Variants in GSE1 observed in about 807,000 individuals in gnomAD.
GSE1 encodes Gse1 coiled-coil protein.
In GSE1, 32 loss-of-function variants were observed where a neutral mutation model predicts 112.6. That is an observed-to-expected ratio of 0.28 (90% CI 0.21 to 0.38). GSE1 has a LOEUF of 0.38. Among genes scored for constraint, GSE1 ranks in the 10% least tolerant of loss-of-function variants. The pLI is 1.00. For synonymous variants in GSE1, 1,115 were observed against 735.6 expected (o/e 1.52, Z -8.35); for missense variants, 2,348 against 1,699.2 (o/e 1.38, Z -6.71).
chr16:85,584,141 G>T (rs2151396012), intron 1 of GSE1, among the ~76,000 whole-genome samples: 1 of 152,146 alleles, frequency 6.6e-6, no homozygotes, highest in Admixed American at 6.5e-5. Flanking sequence ...GGGTCTTTGT[G>T]TGCGTGCGTG....
At chr16:85,496,557 C>G (rs1023519218) in intron 2 of GSE1, among the ~76,000 whole-genome samples, 2 of 152,152 alleles carry the variant, frequency 1.3e-5, no homozygotes, top group African/African-American at 4.8e-5. Context: ...GCAGGGGGGC[C>G]GACCCACCCA....
chr16:85,604,263 C>T (rs1434693095), intron 1 of GSE1, among the ~76,000 whole-genome samples: 1 of 152,182 alleles, frequency 6.6e-6, no homozygotes, highest in African/African-American at 2.4e-5. Context: ...ATGGAATCCC[C>T]CTTGTTTGTC....
chr16:85,657,064 T>G (rs1356721652), intron 7 of GSE1, among the ~76,000 whole-genome samples: 1 of 152,172 alleles, frequency 6.6e-6, no homozygotes, highest in Non-Finnish European at 1.5e-5. Context: ...GGGCAAGAGT[T>G]TTGCCAGCCA....
At chr16:85,396,452 C>T (rs909150168) in intron 2 of GSE1, among the ~76,000 whole-genome samples, 5 of 152,264 alleles carry the variant, frequency 3.3e-5, no homozygotes, top group African/African-American at 9.6e-5. Context: ...TCCACCTCCC[C>T]AGCACCCAAG....
chr16:85,362,422 C>A (rs1597488549), intron 2 of GSE1, among the ~76,000 whole-genome samples: 1 of 152,164 alleles, frequency 6.6e-6, no homozygotes, highest in Admixed American at 6.5e-5. Flanking sequence ...AGAGAAGCAG[C>A]ACTGGTTGGT....
intron 3 of GSE1, among the ~76,000 whole-genome samples, chr16:85,649,374 C>A (rs1410864949): frequency 2.0e-5 from 3 of 152,208 alleles, no homozygotes; most frequent in African/African-American, 7.2e-5. Context: ...AGTCTGTGAA[C>A]TGAACAAAGA....
intron 2 of GSE1, among the ~76,000 whole-genome samples, chr16:85,508,929 G>C (rs1056218635): frequency 6.6e-6 from 1 of 152,210 alleles, no homozygotes; most frequent in Non-Finnish European, 1.5e-5. Context: ...AGGCACACAT[G>C]GTTCGTTGGA....
Position 85,274,024 on chromosome 16 carries a change from G to T in GSE1, c.2284-83439G>T, listed in dbSNP as rs892502801. Among the ~76,000 whole-genome samples, 47 of 151,304 alleles carry T rather than the reference G, an allele frequency of 3.1e-4. 1 individual carries two copies. The highest frequency in any genetic ancestry group is 1.6e-3 in the Admixed American group (24 of 15,146). ...GGTCTCTTTTTGGGGTGATGAAAAA[G>T]TTCTGGAAGTAGATAGAGGTAGTGG... On this transcript the variant is annotated intron_variant, in intron 1 of 2. Transcript: ENST00000637419.
intron 1 of GSE1, chr16:85,595,223 G>C (rs565227270): frequency 6.6e-6 from 1 of 152,382 alleles, no homozygotes; most frequent in Non-Finnish European, 1.5e-5. Context: ...CCTCCAGACT[G>C]CGTTCTGGAA....
At chr16:85,357,675 A>G (rs2046977535) in intron 2 of GSE1, 2 of 1,270,852 alleles carry the variant, frequency 1.6e-6, no homozygotes, top group South Asian at 2.5e-5. Flanking sequence ...ATCTCTGGGT[A>G]CTGGGCTGGG....
In GSE1 at chr16:85,655,714, T is replaced by C. The variant is rs754274628; in HGVS notation, c.798-12T>C. 1.3e-6 allele frequency: 2 copies of C among 1,573,268 alleles called. No individual in the cohort carries two copies. The highest frequency in any genetic ancestry group is 1.7e-6 in the Non-Finnish European group (2 of 1,155,880). ...TTCATTTGCTGCTCACAGCCCCGTC[T>C]TCTCTGCACAGGATGGACGACTCCT... On this transcript the variant is annotated splice_polypyrimidine_tract_variant and intron_variant, in intron 5 of 15. Coordinates refer to ENST00000253458, the MANE Select transcript of GSE1 (RefSeq NM_014615.5).
intron 2 of GSE1, among the ~76,000 whole-genome samples, chr16:85,398,745 T>C (rs771643673): frequency 3.3e-5 from 5 of 152,198 alleles, no homozygotes; most frequent in Admixed American, 6.5e-5. Context: ...AGCCCAGCTC[T>C]GGGTTCCTGG....
At chr16:85,593,759 C>A (rs917121672) in intron 1 of GSE1, 8 of 152,278 alleles carry the variant, frequency 5.3e-5, no homozygotes, top group Admixed American at 5.2e-4. Flanking sequence ...GCAGAAAGAT[C>A]ATGTGGTTAA....
chr16:85,194,587 G>C (rs2074891601), intron 1 of GSE1, among the ~76,000 whole-genome samples: 1 of 152,176 alleles, frequency 6.6e-6, no homozygotes, highest in Non-Finnish European at 1.5e-5. Context: ...TGTGTGCCAG[G>C]AAGACTAATG....
chr16:85,635,261 A>AG (rs2049894113), intron 2 of GSE1, among the ~76,000 whole-genome samples: 1 of 152,018 alleles, frequency 6.6e-6, no homozygotes, highest in South Asian at 2.1e-4. Flanking sequence ...TTGGCCCAGG[A>AG]GGGAGGCCCG....
intron 1 of GSE1, among the ~76,000 whole-genome samples, chr16:85,629,137 G>T (rs2049324553): frequency 6.6e-6 from 1 of 152,186 alleles, no homozygotes; most frequent in Non-Finnish European, 1.5e-5. Flanking sequence ...GCCTCCTGAG[G>T]CCTCCCCAGA....
chr16:85,183,242 C>T (rs1025991310), intron 1 of GSE1, among the ~76,000 whole-genome samples: 5 of 152,224 alleles, frequency 3.3e-5, no homozygotes, highest in African/African-American at 1.2e-4. Flanking sequence ...CATTCATGCA[C>T]ACTCATGCAC....
intron 1 of GSE1, among the ~76,000 whole-genome samples, chr16:85,588,613 C>T (rs1446990391): frequency 6.6e-6 from 1 of 152,228 alleles, no homozygotes; most frequent in African/African-American, 2.4e-5. Flanking sequence ...ATTGATAGGC[C>T]CTGTCTGTGA....
chr16:85,536,555 C>T (rs2151196611), intron 2 of GSE1, among the ~76,000 whole-genome samples: 1 of 152,310 alleles, frequency 6.6e-6, no homozygotes, highest in Middle Eastern at 3.4e-3. Context: ...GAGGGCTGGG[C>T]CTCCGCTGTG....
Sources: allele counts gnomAD v4.1 joint callset (sites outside exome capture counted in the v4.1 genomes callset), GRCh38; gene constraint gnomAD v4.1.1; transcripts MANE v1.5; gene names NCBI Gene and HGNC (gene_info 2026-07-23, HGNC 2026-07-21).